Variants in NKAIN2 observed in about 807,000 individuals in gnomAD.
NKAIN2 encodes the protein sodium/potassium transporting ATPase interacting 2, also known as sodium/potassium-transporting ATPase subunit beta-1-interacting protein 2.
A neutral mutation model predicts 32.6 loss-of-function variants in NKAIN2; 14 were observed. The ratio of observed to expected loss-of-function variants is 0.43; its 90% CI spans 0.28 to 0.67. The LOEUF is 0.67. NKAIN2 is among the 30% of genes least tolerant of loss of function. NKAIN2 has a pLI of 0.17. For missense variants in NKAIN2, 198 were observed against 258.3 expected (o/e 0.77, Z 1.60); for synonymous variants, 80 against 87.2 (o/e 0.92, Z 0.46).
At chr6:124,225,743 CAAGTTTGTAGA>C (rs773147923) in intron 1 of NKAIN2, among the ~76,000 whole-genome samples, 18 of 152,026 alleles carry the variant, frequency 1.2e-4, no homozygotes, top group Non-Finnish European at 2.2e-4. Flanking sequence ...TAAACCTCTA[CAAGTTTGTAGA>C]GTTTCCTTTT....
chr6:124,641,530 CTTTTTTTTTTTTTTTTTTTTTTTTTTT>C (rs755033671), intron 3 of NKAIN2, among the ~76,000 whole-genome samples: 6 of 19,534 alleles, frequency 3.1e-4, no homozygotes, highest in South Asian at 4.5e-3. Context: ...AAAACACTAG[CTTTTTTTTTTTTTTTTTTTTTTTTTTT>C]TTTTTTTTTT....
chr6:123,929,508 A>G, intron 1 of NKAIN2, among the ~76,000 whole-genome samples: 1 of 152,156 alleles, frequency 6.6e-6, no homozygotes, highest in East Asian at 1.9e-4. Context: ...GGGCAAATTA[A>G]AAGAAAAGAA....
At position 124,216,766 on chromosome 6, in the gene NKAIN2, T is replaced by C. The variant is rs79837469; in HGVS notation, c.55-66239T>C. On this transcript the variant is annotated intron_variant, in intron 1 of 6. Coordinates refer to ENST00000368417, the MANE Select transcript of NKAIN2 (RefSeq NM_001040214.3). ...CAATAATCTATATTAAATAAGGAGT[T>C]TTGTATTTATTGGCAAATACATAAA... is the stretch of plus-strand genomic sequence containing the variant. Among the ~76,000 whole-genome samples the C allele has an allele frequency of 1.1e-3, 163 of 152,302 alleles. 1 individual carries two copies. In the East Asian group the frequency reaches 0.028, roughly 26 times the overall value.
chr6:124,594,953 G>C (rs948213505), intron 3 of NKAIN2, among the ~76,000 whole-genome samples: 8 of 152,096 alleles, frequency 5.3e-5, no homozygotes, highest in Non-Finnish European at 1.0e-4. Context: ...CAAAATTGAG[G>C]TAATTTCTCC....
intron 1 of NKAIN2, among the ~76,000 whole-genome samples, chr6:124,040,990 G>A (rs1033266166): frequency 3.9e-5 from 6 of 151,948 alleles, no homozygotes; most frequent in Admixed American, 3.9e-4. Flanking sequence ...TACAACTATT[G>A]AAGGACTCAT....
intron 1 of NKAIN2, among the ~76,000 whole-genome samples, chr6:124,139,309 C>T (rs990209571): frequency 1.3e-5 from 2 of 149,702 alleles, no homozygotes; most frequent in African/African-American, 4.9e-5. Context: ...AGGATGGTCT[C>T]GATCTCCTGA....
In NKAIN2 at chr6:124,588,353, T is replaced by C. The variant is rs191119254; in HGVS notation, c.274-69833T>C. On this transcript the variant is annotated intron_variant, in intron 3 of 6. Coordinates refer to ENST00000368417, the MANE Select transcript of NKAIN2 (RefSeq NM_001040214.3). The stretch of plus-strand genomic sequence containing the variant: ...AATTCTCATAATTTAATGCAATTTT[T>C]ATTTAAAAAATATCCATGCACAACT... 2.8e-3 allele frequency among the ~76,000 whole-genome samples: 423 copies of C among 152,312 alleles called. 1 individual carries two copies. Among genetic ancestry groups the C allele is most frequent in the Non-Finnish European group, 3.8e-3 (259 of 68,010 alleles).
At chr6:124,220,928 T>G (rs190095914) in intron 1 of NKAIN2, among the ~76,000 whole-genome samples, 3 of 152,244 alleles carry the variant, frequency 2.0e-5, no homozygotes, top group Admixed American at 2.0e-4. Flanking sequence ...CTGCTCTATA[T>G]AAAAGAAATA....
intron 1 of NKAIN2, among the ~76,000 whole-genome samples, chr6:124,003,112 C>T (rs905516936): frequency 2.6e-5 from 4 of 152,042 alleles, no homozygotes; most frequent in African/African-American, 4.8e-5. Context: ...TTTACAGATA[C>T]GATGTTTTAT....
At chr6:124,624,023 A>AAGAT (rs60493597) in intron 3 of NKAIN2, among the ~76,000 whole-genome samples, 26,116 of 152,080 alleles carry the variant, frequency 0.17, 2,286 homozygotes, top group Middle Eastern at 0.23. Context: ...ATCATGTGGA[A>AAGAT]AGATAGCTCC....
chr6:123,930,839 A>C (rs565856035), intron 1 of NKAIN2, among the ~76,000 whole-genome samples: 1 of 152,178 alleles, frequency 6.6e-6, no homozygotes, highest in Admixed American at 6.5e-5. Context: ...GGACTAAATG[A>C]AAAACAACTA....
intron 4 of NKAIN2, among the ~76,000 whole-genome samples, chr6:124,761,287 G>A (rs920067938): frequency 5.9e-5 from 9 of 152,094 alleles, no homozygotes; most frequent in South Asian, 2.1e-4. Flanking sequence ...ATGATGGTGC[G>A]GGGAGGCTAG....
At chr6:124,468,483 T>G (rs1776848240) in intron 3 of NKAIN2, among the ~76,000 whole-genome samples, 1 of 152,150 alleles carries the variant, frequency 6.6e-6, no homozygotes, top group Admixed American at 6.6e-5. Context: ...AAATTTATGA[T>G]GAAATATAAT....
chr6:124,318,494 T>C (rs990700642), intron 2 of NKAIN2, among the ~76,000 whole-genome samples: 3 of 152,046 alleles, frequency 2.0e-5, no homozygotes, highest in Non-Finnish European at 4.4e-5. Context: ...TTGACAGACT[T>C]TTGGGTGTTA....
intron 4 of NKAIN2, among the ~76,000 whole-genome samples, chr6:124,721,012 G>A (rs1049881490): frequency 2.0e-5 from 3 of 152,214 alleles, no homozygotes; most frequent in African/African-American, 4.8e-5. Flanking sequence ...AAACAGTGAT[G>A]TGAACCTCTT....
intron 4 of NKAIN2, among the ~76,000 whole-genome samples, chr6:124,677,458 T>A (rs953932725): frequency 4.6e-5 from 7 of 152,202 alleles, no homozygotes; most frequent in African/African-American, 1.7e-4. Context: ...TTCATTGACT[T>A]TTTTTAGTGG....
chr6:124,646,329 C>G (rs998739860), intron 3 of NKAIN2, among the ~76,000 whole-genome samples: 3 of 151,852 alleles, frequency 2.0e-5, no homozygotes, highest in African/African-American at 7.3e-5. Flanking sequence ...ATTAGACTCG[C>G]AAGACTTGGT....
intron 1 of NKAIN2, among the ~76,000 whole-genome samples, chr6:123,853,211 C>T (rs897113799): frequency 6.6e-6 from 1 of 152,118 alleles, no homozygotes; most frequent in African/African-American, 2.4e-5. Context: ...TGTATTATGA[C>T]AGTAGAAATT....
intron 3 of NKAIN2, among the ~76,000 whole-genome samples, chr6:124,601,334 C>T (rs769104337): frequency 6.6e-6 from 1 of 152,028 alleles, no homozygotes; most frequent in Non-Finnish European, 1.5e-5. Context: ...TACCTGTGTT[C>T]GTTGACAACT....
Sources: gnomAD v4.1 joint callset for allele counts (sites outside exome capture counted in the v4.1 genomes callset) on GRCh38, gnomAD v4.1.1 for gene constraint, MANE v1.5 for transcripts, NCBI Gene and HGNC (gene_info 2026-07-23, HGNC 2026-07-21) for gene names.